Variants in TBC1D22A observed in about 807,000 individuals in gnomAD.
TBC1D22A encodes the protein TBC1 domain family member 22A, also known as putative GTPase activator.
TBC1D22A carries 38 observed loss-of-function variants against 60.2 expected under a neutral mutation model. That is an observed-to-expected ratio of 0.63 (90% CI 0.49 to 0.83). The LOEUF (loss-of-function observed/expected upper bound fraction) is 0.83. Among genes scored for constraint, TBC1D22A ranks in the 40% least tolerant of loss-of-function variants. The pLI, the probability that TBC1D22A is intolerant of heterozygous loss-of-function variation, is 0.00. For missense variants in TBC1D22A, 628 were observed against 701.0 expected (o/e 0.90, Z 1.18); for synonymous variants, 302 against 281.7 (o/e 1.07, Z -0.72).
At chr22:46,774,657 C>T (rs909749891) in intron 1 of TBC1D22A, among the ~76,000 whole-genome samples, 3 of 152,214 alleles carry the variant, frequency 2.0e-5, no homozygotes, top group African/African-American at 7.2e-5. Context: ...GGAAGGTGGG[C>T]CTCTGCTCAA....
At chr22:47,116,582 G>A (rs992199067) in intron 12 of TBC1D22A, 1 of 152,208 alleles carries the variant, frequency 6.6e-6, no homozygotes, top group African/African-American at 2.4e-5. Context: ...TGGGGCCCTT[G>A]CTCTGGAAGC....
intron 12 of TBC1D22A, among the ~76,000 whole-genome samples, chr22:47,168,791 A>G (rs2068310112): frequency 6.6e-6 from 1 of 150,482 alleles, no homozygotes; most frequent in East Asian, 2.0e-4. Flanking sequence ...AGTGTCCTCC[A>G]CGGATGGCAC....
chr22:46,792,399 A>G (rs909444004), intron 1 of TBC1D22A, 121 bp from the exon 2 acceptor site: 5 of 1,382,676 alleles, frequency 3.6e-6, no homozygotes, highest in Non-Finnish European at 5.1e-6. Flanking sequence ...GCGACAGCCC[A>G]TGAGGAGCTG....
intron 4 of TBC1D22A, among the ~76,000 whole-genome samples, chr22:46,865,151 C>T (rs1423754662): frequency 6.6e-6 from 1 of 152,186 alleles, no homozygotes; most frequent in Admixed American, 6.5e-5. Flanking sequence ...GGCACCTGTT[C>T]CTGGCATCTC....
chr22:46,860,730 G>C (rs1017845817), intron 4 of TBC1D22A, among the ~76,000 whole-genome samples: 2 of 152,188 alleles, frequency 1.3e-5, no homozygotes, highest in Non-Finnish European at 2.9e-5. Context: ...GGCGACAGGC[G>C]TCCTGGAGAC....
chr22:46,893,400 A>G (rs1019167897), intron 6 of TBC1D22A, among the ~76,000 whole-genome samples: 14 of 152,034 alleles, frequency 9.2e-5, no homozygotes, highest in Non-Finnish European at 1.9e-4. Flanking sequence ...CTTGTGGAGG[A>G]CCGCCTCTCT....
chr22:46,769,176 G>GATA (rs1246334660), intron 1 of TBC1D22A, among the ~76,000 whole-genome samples: 1 of 152,096 alleles, frequency 6.6e-6, no homozygotes, highest in African/African-American at 2.4e-5. Context: ...TGAGTGCTGG[G>GATA]ATAAAGCTGG....
At chr22:47,062,884 T>C (rs1375240766) in intron 11 of TBC1D22A, among the ~76,000 whole-genome samples, 1 of 151,464 alleles carries the variant, frequency 6.6e-6, no homozygotes, top group Admixed American at 6.6e-5. Flanking sequence ...GACTGGCTCA[T>C]AGGACCGCAC....
In TBC1D22A at chr22:47,001,613, G is replaced by A. The variant is rs548801984; in HGVS notation, c.1201+3904G>A. Among the ~76,000 whole-genome samples the A allele has an allele frequency of 1.9e-4, 29 of 152,186 alleles. 1 individual carries two copies. In the South Asian group the frequency reaches 5.8e-3, roughly 31 times the overall value. On this transcript the variant is annotated intron_variant, in intron 10 of 12. Transcript: ENST00000337137. ...GAGAACCTGTGGATGATTGTAAGTG[G>A]GTATTTGGTGGCTAGTGCTGCCGAG...
At position 46,965,443 on chromosome 22, in the gene TBC1D22A, T is replaced by C. The variant is rs6008008; in HGVS notation, c.1016-8847T>C. 8.8e-3 allele frequency among the ~76,000 whole-genome samples: 1,343 copies of C among 152,356 alleles called. 21 individuals carry two copies. The highest frequency in any genetic ancestry group is 0.031 in the African/African-American group (1,285 of 41,594). On this transcript the variant is annotated intron_variant, in intron 8 of 12. Transcript: ENST00000337137. ...GCCCCCGTCTCGGTACCGGCTGCAC[T>C]GTCTGGGCTCGGCAGAGCTCTGTGG...
At chr22:46,989,369 T>TTTTG (rs1386461484) in intron 9 of TBC1D22A, among the ~76,000 whole-genome samples, 1 of 152,184 alleles carries the variant, frequency 6.6e-6, no homozygotes, top group Non-Finnish European at 1.5e-5. Context: ...AAAGGCCTAC[T>TTTTG]TTTGGCTTGT....
rs1228700928 is a variant in TBC1D22A, at chr22:46,777,877, C to T, written c.63-14643C>T. Among the ~76,000 whole-genome samples the T allele has an allele frequency of 6.6e-6, 1 of 152,202 alleles. No homozygotes were observed. The highest frequency in any genetic ancestry group is 6.5e-5 in the Admixed American group (1 of 15,280). ...GTCCCTGTGTGAACATCACAGAGCA[C>T]ATTTATACAAACCCAGGTAGAGTTA... On this transcript the variant is annotated intron_variant, in intron 1 of 12. Transcript: ENST00000337137. The surrounding 1 kb of genome is among the most constrained non-coding windows in gnomAD (Gnocchi z 4.5).
At chr22:46,836,177 C>T (rs1117131) in intron 4 of TBC1D22A, among the ~76,000 whole-genome samples, 66,956 of 151,968 alleles carry the variant, frequency 0.44, 14,764 homozygotes, top group African/African-American at 0.48. Context: ...TTCAGAATAC[C>T]TCAATATTGT....
chr22:47,069,832 G>T (rs2063904632), intron 11 of TBC1D22A, among the ~76,000 whole-genome samples: 1 of 146,580 alleles, frequency 6.8e-6, no homozygotes, highest in Non-Finnish European at 1.5e-5. Flanking sequence ...CTGTTGTTTG[G>T]TTGGAGCGGG....
At chr22:46,997,512 ATC>A (rs1267374122) in intron 9 of TBC1D22A, 120 bp from the exon 10 acceptor site, 6 of 731,026 alleles carry the variant, frequency 8.2e-6, no homozygotes, top group Admixed American at 2.3e-5. Flanking sequence ...TCGAGATAAA[ATC>A]TCTGTTTGTG....
At chr22:47,120,047 G>A (rs2066217023) in intron 12 of TBC1D22A, among the ~76,000 whole-genome samples, 2 of 152,124 alleles carry the variant, frequency 1.3e-5, no homozygotes, top group African/African-American at 2.4e-5. Context: ...CCACTGGAAT[G>A]TAGCCATGCT....
At chr22:46,831,186 C>T (rs2086293474) in intron 4 of TBC1D22A, among the ~76,000 whole-genome samples, 1 of 152,138 alleles carries the variant, frequency 6.6e-6, no homozygotes, top group Non-Finnish European at 1.5e-5. Flanking sequence ...AGAGCATGGA[C>T]AGAGCCCACC....
intron 12 of TBC1D22A, among the ~76,000 whole-genome samples, chr22:47,114,138 C>T (rs941326197): frequency 2.6e-5 from 4 of 152,160 alleles, no homozygotes; most frequent in African/African-American, 9.7e-5. Flanking sequence ...TTAGAGGGTG[C>T]AGCGTGGGCA....
chr22:46,990,105 C>T lies in TBC1D22A; in HGVS notation c.1126-7529C>T, dbSNP rs1485368202. On this transcript the variant is annotated intron_variant, in intron 9 of 12. Coordinates refer to ENST00000337137, the MANE Select transcript of TBC1D22A (RefSeq NM_014346.5). The surrounding 1 kb of genome is among the most constrained non-coding windows in gnomAD (Gnocchi z 4.6). ...AGATGTGCGCCACCGCGCCCGGCCG[C>T]AAAATGTAAGTTTTATTTAAAATGA... Among the ~76,000 whole-genome samples the T allele has an allele frequency of 6.6e-6, 1 of 152,208 alleles. No homozygotes were observed. Among genetic ancestry groups the T allele is most frequent in the African/African-American group, 2.4e-5 (1 of 41,448 alleles).
Sources: gnomAD v4.1 joint callset for allele counts (sites outside exome capture counted in the v4.1 genomes callset) on GRCh38, gnomAD v4.1.1 for gene constraint, Gnocchi (gnomAD v3.1) non-coding constraint, MANE v1.5 for transcripts, NCBI Gene and HGNC (gene_info 2026-07-23, HGNC 2026-07-21) for gene names.